The following ARPC2 variants were observed in gnomAD, a reference collection of about 807,000 sequenced individuals.
ARPC2 encodes actin-related protein 2/3 complex subunit 2.
In ARPC2, 4 loss-of-function variants were observed where a neutral mutation model predicts 38.6. That is an observed-to-expected ratio of 0.10 (90% confidence interval 0.05 to 0.24). The LOEUF (loss-of-function observed/expected upper bound fraction) is 0.24, where lower values mean the gene tolerates loss of function less well. Ranked by LOEUF, ARPC2 falls within the 10% of genes least tolerant of loss-of-function variation. ARPC2 has a pLI of 1.00. For missense variants in ARPC2, 229 were observed against 387.3 expected, an observed-to-expected ratio of 0.59 and a Z score of 3.43; for synonymous variants, 125 against 140.8, an observed-to-expected ratio of 0.89 and a Z score of 0.79.
Position 218,239,421 on chromosome 2 carries a change from A to G in ARPC2, c.486A>G (p.Thr162=), listed in dbSNP as rs1299094640. Residue 162 remains threonine (T), a synonymous_variant, in exon 7 of 11, where the codon ACA becomes ACG. Coordinates refer to ENST00000315717, the MANE Select transcript of ARPC2 (RefSeq NM_152862.3). ...MYVESKKDRV[T]VVFSTVFKDD... ...TTGAGTCTAAAAAGGACAGAGTCAC[A>G]GTAGTCTTCAGCACAGTGTTTAAGG... The G allele has an allele frequency of 6.2e-7, 1 of 1,613,968 alleles. No homozygotes were observed. Among genetic ancestry groups the G allele is most frequent in the African/African-American group, 1.3e-5 (1 of 74,914 alleles).
At chr2:218,231,652 G>A (rs116248247) in intron 4 of ARPC2, among the ~76,000 whole-genome samples, 2 of 151,922 alleles carry the variant, frequency 1.3e-5, no homozygotes, top group African/African-American at 2.4e-5. Context: ...ATTCCTCTTC[G>A]GTAAAAGAAA....
intron 2 of ARPC2, among the ~76,000 whole-genome samples, chr2:218,222,835 TG>T (rs756927943): frequency 4.6e-5 from 7 of 152,008 alleles, no homozygotes; most frequent in Non-Finnish European, 1.0e-4. Flanking sequence ...GGATTGGGGG[TG>T]GGGGTAGATA....
intron 3 of ARPC2, among the ~76,000 whole-genome samples, chr2:218,227,394 C>T (rs1244092418): frequency 6.6e-6 from 1 of 152,146 alleles, no homozygotes; most frequent in African/African-American, 2.4e-5. Flanking sequence ...TTTTTTGAGA[C>T]AGTAGAGAAT....
chr2:218,232,544 C>G (rs1016881386), intron 4 of ARPC2, among the ~76,000 whole-genome samples: 1 of 136,400 alleles, frequency 7.3e-6, no homozygotes, highest in East Asian at 2.3e-4. Context: ...GGGCCAGACT[C>G]AATTTTTTTT....
intron 3 of ARPC2, chr2:218,226,978 G>T (rs537956082): frequency 2.2e-6 from 1 of 456,574 alleles, no homozygotes; most frequent in African/African-American, 2.0e-5. Context: ...TTAGGTGTTG[G>T]TACTATTTAC....
intron 3 of ARPC2, among the ~76,000 whole-genome samples, 200 bp downstream of exon 3, chr2:218,226,154 A>T (rs546775797): frequency 7.4e-4 from 112 of 152,034 alleles, no homozygotes; most frequent in Non-Finnish European, 1.3e-3. Flanking sequence ...TTAGCCGGGC[A>T]TGGTGGTGGG....
chr2:218,250,143 A>G (rs960965733), intron 10 of ARPC2, among the ~76,000 whole-genome samples: 1 of 152,214 alleles, frequency 6.6e-6, no homozygotes, highest in Non-Finnish European at 1.5e-5. Context: ...TGAGAATGGC[A>G]GCTAGGAAAT....
chr2:218,250,728 C>A (rs1369321027), intron 10 of ARPC2, among the ~76,000 whole-genome samples: 1 of 151,656 alleles, frequency 6.6e-6, no homozygotes, highest in East Asian at 1.9e-4. Flanking sequence ...GCAGGAAAGG[C>A]GAGCATGGCC....
At chr2:218,224,520 T>G (rs1689453610) in intron 2 of ARPC2, among the ~76,000 whole-genome samples, 1 of 152,212 alleles carries the variant, frequency 6.6e-6, no homozygotes, top group Admixed American at 6.5e-5. Flanking sequence ...TTTCTAGAGG[T>G]GAGGAATGGT....
intron 4 of ARPC2, chr2:218,229,396 A>G (rs1689579828): frequency 6.6e-6 from 1 of 152,414 alleles, no homozygotes; most frequent in African/African-American, 2.4e-5. Flanking sequence ...ATAGTTAAGT[A>G]GCAGGTTTGG....
chr2:218,232,546 A>ATTTTTTTTTT (rs71064418), intron 4 of ARPC2, among the ~76,000 whole-genome samples: 1 of 83,148 alleles, frequency 1.2e-5, no homozygotes, highest in Non-Finnish European at 2.3e-5. Flanking sequence ...GCCAGACTCA[A>ATTTTTTTTTT]TTTTTTTTTT....
intron 4 of ARPC2, among the ~76,000 whole-genome samples, chr2:218,230,110 AC>A (rs1370860440): frequency 6.6e-6 from 1 of 151,646 alleles, no homozygotes; most frequent in Non-Finnish European, 1.5e-5. Flanking sequence ...AGCTGGGATT[AC>A]AGGCATGCAC....
chr2:218,254,210 C>G lies in ARPC2; in HGVS notation c.*295C>G, dbSNP rs1004971490. On this transcript the variant is annotated 3_prime_UTR_variant, in exon 11 of 11. Coordinates refer to ENST00000315717, the MANE Select transcript of ARPC2 (RefSeq NM_152862.3). ...TCCCACCCTCTTTTCCAAGCTGTTT[C>G]GCTTTGCAATATATTACTGGTAATG... 1 of 388,064 alleles carries G rather than the reference C, an allele frequency of 2.6e-6. No homozygotes were observed. The highest frequency in any genetic ancestry group is 4.7e-5 in the East Asian group (1 of 21,194). The allele number at this position is 388,064 out of a possible 1,614,324, so 24.0% of individuals were successfully genotyped here.
At chr2:218,237,167 CT>C in intron 5 of ARPC2, among the ~76,000 whole-genome samples, 1 of 152,076 alleles carries the variant, frequency 6.6e-6, no homozygotes, top group South Asian at 2.1e-4. Flanking sequence ...ACATTCTCCC[CT>C]ATCTCCGCAC....
chr2:218,254,103 A>C lies in ARPC2; in HGVS notation c.*188A>C, dbSNP rs1690260818. On this transcript the variant is annotated 3_prime_UTR_variant, in exon 11 of 11. Transcript: ENST00000315717. ...GCTTGCAAAGACTTCATAGTTCCCA[A>C]GAATTAAAAAAAAAAAAAAAAGAAT... The C allele has an allele frequency of 1.8e-6, 1 of 543,166 alleles. No homozygotes were observed. Among genetic ancestry groups the C allele is most frequent in the South Asian group, 3.4e-5 (1 of 29,818 alleles). 33.6% of individuals were successfully genotyped at this position (543,166 alleles called of 1,614,324 possible).
At position 218,231,760 on chromosome 2, in the gene ARPC2, A is replaced by T. The variant is rs551862153; in HGVS notation, c.223-2592A>T. 4.6e-5 allele frequency among the ~76,000 whole-genome samples: 7 copies of T among 152,266 alleles called. No homozygotes were observed. The East Asian group carries it at 1.2e-3, about 25-fold the overall frequency. ...GAAAATGTAGTCTTGCAGGTTGAAAATTTCTTCCAGCTATAGGAAAATGGT... is the reference window on the plus strand; with the variant it reads ...GAAAATGTAGTCTTGCAGGTTGAAATTTTCTTCCAGCTATAGGAAAATGGT... On this transcript the variant is annotated intron_variant, in intron 4 of 10. Coordinates refer to ENST00000315717, the MANE Select transcript of ARPC2 (RefSeq NM_152862.3).
In ARPC2 at chr2:218,254,107, T is replaced by C. The variant is rs1226726155; in HGVS notation, c.*192T>C. On this transcript the variant is annotated 3_prime_UTR_variant, in exon 11 of 11. Coordinates refer to ENST00000315717, the MANE Select transcript of ARPC2 (RefSeq NM_152862.3). ...GCAAAGACTTCATAGTTCCCAAGAATTAAAAAAAAAAAAAAAAGAATTCCA... is the reference window on the plus strand; with the variant it reads ...GCAAAGACTTCATAGTTCCCAAGAACTAAAAAAAAAAAAAAAAGAATTCCA... The C allele has an allele frequency of 1.2e-5, 6 of 503,874 alleles. No individual in the cohort carries two copies. In the South Asian group the frequency reaches 1.6e-4, roughly 13 times the overall value. 31.2% of individuals were successfully genotyped at this position (503,874 alleles called of 1,614,324 possible). A position where few individuals can be genotyped will look rare whatever the true frequency, so the allele number is the denominator to read the frequency against.
Position 218,234,374 on chromosome 2 carries a change from G to T in ARPC2, c.245G>T (p.Ser82Ile). The part of the protein sequence containing the change: ...ADELLKRVYG[S>I]FLVNPESGYN... ...TAGTTATTAAAGAGGGTGTACGGGA[G>T]TTTCTTGGTAAATCCAGAATCAGGT... Residue 82 changes from serine to isoleucine, a missense_variant, in exon 5 of 11, where the codon AGT becomes ATT. Around this residue, in one of 3 missense-constraint regions of ARPC2, gnomAD observed 135 missense variants for 214.1 expected, o/e 0.63. Transcript: ENST00000315717. The T allele has an allele frequency of 6.2e-7, 1 of 1,607,372 alleles. No homozygotes were observed. The highest frequency in any genetic ancestry group is 8.5e-7 in the Non-Finnish European group (1 of 1,174,848).
chr2:218,248,125 A>T (rs1204961289), intron 8 of ARPC2, among the ~76,000 whole-genome samples: 2 of 152,078 alleles, frequency 1.3e-5, no homozygotes, highest in Non-Finnish European at 2.9e-5. Flanking sequence ...GCTGGGATGC[A>T]TCTTACAATT....
Sources: allele counts gnomAD v4.1 joint callset (sites outside exome capture counted in the v4.1 genomes callset), GRCh38; gene constraint gnomAD v4.1.1; regional missense constraint gnomAD v4.1.1; transcripts MANE v1.5; gene names NCBI Gene and HGNC (gene_info 2026-07-23, HGNC 2026-07-21).